The following DAGLA variants were observed in gnomAD, a reference collection of about 807,000 sequenced individuals.
DAGLA encodes diacylglycerol lipase-alpha.
In DAGLA, 22 loss-of-function variants were observed where a neutral mutation model predicts 102.6. The ratio of observed to expected loss-of-function variants is 0.21; its 90% CI spans 0.15 to 0.31. The LOEUF is 0.31. Ranked by LOEUF, DAGLA falls within the 10% of genes least tolerant of loss-of-function variation. The pLI is 1.00. For missense variants in DAGLA, 927 were observed against 1,446.6 expected, an observed-to-expected ratio of 0.64 and a Z score of 5.83; for synonymous variants, 578 against 628.9, an observed-to-expected ratio of 0.92 and a Z score of 1.21.
At position 61,739,782 on chromosome 11, in the gene DAGLA, G is replaced by A. The variant is rs1179178598; in HGVS notation, c.1853+121G>A. ...TGGGGGTGGAGGCTGGGAGAAGATG[G>A]CCCAGGGCCTCCATGGAGGGGTTTC... On this transcript the variant is annotated intron_variant, in intron 17 of 19. Coordinates refer to ENST00000257215, the MANE Select transcript of DAGLA (RefSeq NM_006133.3). The A allele has an allele frequency of 5.8e-6, 6 of 1,039,998 alleles. No individual in the cohort carries two copies. The East Asian group carries it at 1.6e-4, about 27-fold the overall frequency. The allele number at this position is 1,039,998 out of a possible 1,614,324, so 64.4% of individuals were successfully genotyped here. A position where few individuals can be genotyped will look rare whatever the true frequency, so the allele number is the denominator to read the frequency against.
chr11:61,743,091 G>A (rs1417096306), intron 19 of DAGLA, among the ~76,000 whole-genome samples: 1 of 151,908 alleles, frequency 6.6e-6, no homozygotes, highest in African/African-American at 2.4e-5. Flanking sequence ...CTGGCTGGGC[G>A]CGGTGGCTCA....
intron 1 of DAGLA, among the ~76,000 whole-genome samples, chr11:61,681,599 G>GC (rs1245051067): frequency 2.6e-5 from 4 of 152,128 alleles, no homozygotes; most frequent in Non-Finnish European, 5.9e-5. Context: ...TCTGGGAGTT[G>GC]CCTCTCTTCT....
At chr11:61,702,079 T>A (rs1237453312) in intron 1 of DAGLA, among the ~76,000 whole-genome samples, 1 of 152,122 alleles carries the variant, frequency 6.6e-6, no homozygotes, top group Non-Finnish European at 1.5e-5. Flanking sequence ...TCTGGCTAAA[T>A]TAAAAAAAAT....
chr11:61,745,176 C>G lies in DAGLA; in HGVS notation c.*687C>G, dbSNP rs538586502. On this transcript the variant is annotated 3_prime_UTR_variant, in exon 20 of 20. Transcript: ENST00000257215. ...GCCGCCCCTTCTCTGCCTTGTGCCTCTCATGCTGCCTCCTCTGCCCATGGG... is the reference window on the plus strand; with the variant it reads ...GCCGCCCCTTCTCTGCCTTGTGCCTGTCATGCTGCCTCCTCTGCCCATGGG... 1 of 153,164 alleles carries G rather than the reference C, an allele frequency of 6.5e-6. No homozygotes were observed. The highest frequency in any genetic ancestry group is 2.1e-4 in the South Asian group (1 of 4,836). 9.5% of individuals were successfully genotyped at this position (153,164 alleles called of 1,614,324 possible).
Position 61,742,273 on chromosome 11 carries a change from A to G in DAGLA, c.2171+924A>G, listed in dbSNP as rs184554359. On this transcript the variant is annotated intron_variant, in intron 19 of 19. Transcript: ENST00000257215. ...ACATGGGGGCCACAGCGCCCTTGCT[A>G]TTCACACACTCTTTGAGGGGTGCGA... is the stretch of plus-strand genomic sequence containing the variant. 2.3e-3 allele frequency among the ~76,000 whole-genome samples: 350 copies of G among 152,228 alleles called. 2 individuals are homozygous for G. Among genetic ancestry groups the G allele is most frequent in the African/African-American group, 8.1e-3 (336 of 41,534 alleles).
chr11:61,736,488 CT>C, intron 13 of DAGLA, 138 bp downstream of exon 13: 1 of 725,444 alleles, frequency 1.4e-6, no homozygotes, highest in Non-Finnish European at 2.4e-6. Flanking sequence ...CCCTTCCAGC[CT>C]GGCTCCCAAC....
At chr11:61,693,134 T>C (rs867910312) in intron 1 of DAGLA, among the ~76,000 whole-genome samples, 1 of 151,620 alleles carries the variant, frequency 6.6e-6, no homozygotes, top group Non-Finnish European at 1.5e-5. Context: ...TATCTGGGAC[T>C]GTAGGTGCCC....
chr11:61,715,833 C>T (rs1337358956), intron 1 of DAGLA, among the ~76,000 whole-genome samples: 1 of 152,248 alleles, frequency 6.6e-6, no homozygotes, highest in Non-Finnish European at 1.5e-5. Context: ...GTGCAGAGTC[C>T]TGTAGTGACA....
chr11:61,703,418 G>A (rs1475348816), intron 1 of DAGLA, among the ~76,000 whole-genome samples: 1 of 141,562 alleles, frequency 7.1e-6, no homozygotes, highest in Non-Finnish European at 1.5e-5. Context: ...ACAGGAGGGA[G>A]CCAGCCACGC....
chr11:61,729,154 T>C (rs2065354861), intron 8 of DAGLA, 146 bp downstream of exon 8: 1 of 692,716 alleles, frequency 1.4e-6, no homozygotes, highest in African/African-American at 1.8e-5. Flanking sequence ...AGAGAGCCTC[T>C]CTGCTCAGAT....
chr11:61,731,283 A>G, intron 8 of DAGLA, 34 bp from the exon 9 acceptor site: 1 of 1,610,904 alleles, frequency 6.2e-7, no homozygotes, highest in Non-Finnish European at 8.5e-7. Flanking sequence ...CAGGAAGGGC[A>G]GGAGGTGACC....
intron 1 of DAGLA, among the ~76,000 whole-genome samples, chr11:61,713,266 A>G (rs1425557545): frequency 1.3e-5 from 2 of 152,202 alleles, no homozygotes; most frequent in Non-Finnish European, 2.9e-5. Flanking sequence ...CTTCTCAGAA[A>G]CAGCATGCAG....
chr11:61,701,699 C>T (rs778647846), intron 1 of DAGLA, among the ~76,000 whole-genome samples: 4 of 152,148 alleles, frequency 2.6e-5, no homozygotes, highest in Admixed American at 6.5e-5. Flanking sequence ...ATGAGGACCC[C>T]GAAAACCTGC....
chr11:61,724,941 T>A (rs1288343769), intron 5 of DAGLA, among the ~76,000 whole-genome samples: 1 of 152,078 alleles, frequency 6.6e-6, no homozygotes, highest in African/African-American at 2.4e-5. Flanking sequence ...CCTGTTGCCC[T>A]CCTTCTCCTT....
At chr11:61,705,498 C>CAT (rs2065141612) in intron 1 of DAGLA, among the ~76,000 whole-genome samples, 1 of 152,206 alleles carries the variant, frequency 6.6e-6, no homozygotes, top group African/African-American at 2.4e-5. Context: ...GTGCTTGTTC[C>CAT]GCTCTGCTCT....
chr11:61,722,412 C>G (rs900320651), intron 3 of DAGLA, among the ~76,000 whole-genome samples: 1 of 152,146 alleles, frequency 6.6e-6, no homozygotes, highest in South Asian at 2.1e-4. Flanking sequence ...ATGACGAAAC[C>G]CCGTCTCTAC....
Position 61,744,543 on chromosome 11 carries a change from C to T in DAGLA, c.*54C>T. The T allele has an allele frequency of 7.0e-7, 1 of 1,437,816 alleles. No individual in the cohort carries two copies. Among genetic ancestry groups the T allele is most frequent in the East Asian group, 2.3e-5 (1 of 43,516 alleles). 89.1% of individuals were successfully genotyped at this position (1,437,816 alleles called of 1,614,324 possible). Reference sequence around the variant, plus strand: ...AGGCAGGAGCAGGTGGCCCTGTGGGCACCTGGTGCCTGCCCCCTGCCGGGC... The same window carrying T: ...AGGCAGGAGCAGGTGGCCCTGTGGGTACCTGGTGCCTGCCCCCTGCCGGGC... On this transcript the variant is annotated 3_prime_UTR_variant, in exon 20 of 20. Transcript: ENST00000257215.
Position 61,743,888 on chromosome 11 carries a change from C to T in DAGLA, c.2528C>T (p.Ala843Val), listed in dbSNP as rs2065508085. The T allele has an allele frequency of 6.2e-7, 1 of 1,612,334 alleles. No individual in the cohort carries two copies. The highest frequency in any genetic ancestry group is 8.5e-7 in the Non-Finnish European group (1 of 1,179,874). Residue 843 changes from alanine (A) to valine (V), a missense_variant, in exon 20 of 20, where the codon GCC becomes GTC. Ala to Val is a moderately conservative substitution (Grantham distance 64, BLOSUM62 0). Around this residue, in one of 4 missense-constraint regions of DAGLA, gnomAD observed 434 missense variants for 503.3 expected, o/e 0.86. Transcript: ENST00000257215. ...SLSSRTELLA[A>V]DSLSKHSQDT... ...AGCTCGCGCACTGAGCTGCTGGCGG[C>T]CGACAGCCTGTCCAAGCACTCACAG... is the stretch of plus-strand genomic sequence containing the variant.
intron 7 of DAGLA, 36 bp downstream of exon 7, chr11:61,728,323 C>G (rs2065347113): frequency 6.2e-7 from 1 of 1,600,276 alleles, no homozygotes; most frequent in African/African-American, 1.3e-5. Flanking sequence ...GGTCACCTCT[C>G]CACACCACCC....
Sources: allele counts gnomAD v4.1 joint callset (sites outside exome capture counted in the v4.1 genomes callset), GRCh38; gene constraint gnomAD v4.1.1; regional missense constraint gnomAD v4.1.1; transcripts MANE v1.5; gene names NCBI Gene and HGNC (gene_info 2026-07-23, HGNC 2026-07-21).